Variants in PLA2R1 observed in about 807,000 individuals in gnomAD.
PLA2R1 encodes phospholipase A2 receptor 1.
A neutral mutation model predicts 195.9 loss-of-function variants in PLA2R1; 158 were observed. That is an observed-to-expected ratio of 0.81 (90% CI 0.71 to 0.92). PLA2R1 has a LOEUF of 0.92. Among genes scored for constraint, PLA2R1 ranks in the 40% least tolerant of loss-of-function variants. The pLI is 0.00. For missense variants in PLA2R1, 1,626 were observed against 1,764.6 expected (o/e 0.92, Z 1.41); for synonymous variants, 586 against 598.2 (o/e 0.98, Z 0.30).
chr2:160,029,212 G>T (rs1414469457), intron 4 of PLA2R1, among the ~76,000 whole-genome samples: 1 of 152,198 alleles, frequency 6.6e-6, no homozygotes, highest in African/African-American at 2.4e-5. Flanking sequence ...GCCTTTCAGG[G>T]TTGTCAATCT....
intron 11 of PLA2R1, among the ~76,000 whole-genome samples, chr2:159,990,965 A>G (rs1690740224): frequency 6.6e-6 from 1 of 152,018 alleles, no homozygotes; most frequent in South Asian, 2.1e-4. Context: ...TTAGTGCCTG[A>G]TTGTGCAGAT....
chr2:159,962,256 T>C (rs930401156), intron 20 of PLA2R1, among the ~76,000 whole-genome samples: 1 of 152,126 alleles, frequency 6.6e-6, no homozygotes, highest in Non-Finnish European at 1.5e-5. Flanking sequence ...AAAGAAGACA[T>C]TATGCAGTCA....
chr2:159,941,884 C>T lies in PLA2R1; in HGVS notation c.4286G>A (p.Arg1429Lys). The T allele has an allele frequency of 6.2e-7, 1 of 1,613,664 alleles. No individual in the cohort carries two copies. The highest frequency in any genetic ancestry group is 8.5e-7 in the Non-Finnish European group (1 of 1,179,620). Residue 1429 changes from arginine (R) to lysine (K), a missense_variant, in exon 30 of 30, where the codon AGG (arginine) becomes AAG (lysine). By Grantham distance (26) the Arg-to-Lys change is conservative. Coordinates refer to ENST00000283243, the MANE Select transcript of PLA2R1 (RefSeq NM_007366.5). ...CIYKHNGGFF[R>K]RLAGFRNPYY... Reference sequence around the variant, plus strand: ...AGGATTCCGAAACCCTGCAAGTCTCCTGAAGAAGCCACCGTTATGCTTGTA... The same window carrying T: ...AGGATTCCGAAACCCTGCAAGTCTCTTGAAGAAGCCACCGTTATGCTTGTA...
At chr2:159,930,497 A>T (rs1444424247), downstream of PLA2R1, among the ~76,000 whole-genome samples, 2 of 152,006 alleles carry the variant, frequency 1.3e-5, no homozygotes, top group Non-Finnish European at 2.9e-5. Context: ...CCACTAAAAA[A>T]CTTACTCATG....
Position 159,932,974 on chromosome 2 carries a change from T to C in PLA2R1, c.*8804A>G, listed in dbSNP as rs572943415. 9.4e-5 allele frequency: 14 copies of C among 148,626 alleles called. No individual in the cohort carries two copies. Among genetic ancestry groups the C allele is most frequent in the African/African-American group, 2.9e-4 (12 of 41,024 alleles). 9.2% of individuals were successfully genotyped at this position (148,626 alleles called of 1,614,324 possible). ...CATTAATAGAAGCACAGGAAACAAG[T>C]TGAAAATAGCATAGATCATGATGTC... On this transcript the variant is annotated 3_prime_UTR_variant, in exon 30 of 30. Coordinates refer to ENST00000283243, the MANE Select transcript of PLA2R1 (RefSeq NM_007366.5).
intron 21 of PLA2R1, 42 bp downstream of exon 21, chr2:159,956,467 TA>T: frequency 1.0e-6 from 1 of 988,816 alleles, no homozygotes; most frequent in Non-Finnish European, 1.6e-6. Context: ...AATACTTGAA[TA>T]AAAATGGTTA....
At position 159,955,807 on chromosome 2, in the gene PLA2R1, A is replaced by G; in HGVS notation, c.3044T>C (p.Phe1015Ser). The G allele has an allele frequency of 6.3e-7, 1 of 1,599,172 alleles. No individual in the cohort carries two copies. The highest frequency in any genetic ancestry group is 1.3e-5 in the African/African-American group (1 of 74,548). The change falls in exon 22 of 30, where the codon TTT becomes TCT. Residue 1015 changes from phenylalanine (F) to serine (S), a missense_variant. Physicochemically the swap from Phe to Ser is radical, Grantham distance 155. Transcript: ENST00000283243. ...VEQAFITMNL[F>S]GQTTSVWIGL... Reference sequence around the variant, plus strand: ...TATCCACACACTGGTGGTCTGGCCAAAAAGATTCATAGTAATGAAAGCTGA... The same window carrying G: ...TATCCACACACTGGTGGTCTGGCCAGAAAGATTCATAGTAATGAAAGCTGA...
chr2:159,941,953 G>A lies in PLA2R1; in HGVS notation c.4217C>T (p.Thr1406Ile). Residue 1406 changes from threonine to isoleucine, a missense_variant, in exon 30 of 30, where the codon ACA becomes ATA. Thr to Ile is a moderately conservative substitution (Grantham distance 89). Transcript: ENST00000283243. ...HSIIPLAVVL[T>I]LIVIVAICTL... ...GCAAATGGCCACAATGACTATCAGT[G>A]TCAGTACAACCGCAAGAGGAATGAT... The A allele has an allele frequency of 6.2e-7, 1 of 1,613,902 alleles. No individual in the cohort carries two copies. The highest frequency in any genetic ancestry group is 8.5e-7 in the Non-Finnish European group (1 of 1,179,830).
At chr2:160,018,462 T>G (rs1558938480) in intron 8 of PLA2R1, among the ~76,000 whole-genome samples, 1 of 152,222 alleles carries the variant, frequency 6.6e-6, no homozygotes, top group Non-Finnish European at 1.5e-5. Context: ...TGAAACCCCA[T>G]GTCTACTAAA....
chr2:159,989,169 T>C (rs2105328914), intron 11 of PLA2R1, among the ~76,000 whole-genome samples: 1 of 152,290 alleles, frequency 6.6e-6, no homozygotes, highest in South Asian at 2.1e-4. Context: ...AACAGCTAGC[T>C]GGTGTTAAAG....
At chr2:159,959,951 G>T (rs1688329918) in intron 20 of PLA2R1, among the ~76,000 whole-genome samples, 1 of 151,986 alleles carries the variant, frequency 6.6e-6, no homozygotes, top group East Asian at 1.9e-4. Flanking sequence ...TCTCACCCTT[G>T]CCCTTCTTCC....
chr2:159,955,989 T>C (rs1574662871), intron 21 of PLA2R1, among the ~76,000 whole-genome samples, 161 bp from the exon 22 acceptor site: 1 of 152,344 alleles, frequency 6.6e-6, no homozygotes. Flanking sequence ...GTAATGCAGT[T>C]TCTTTCACTT....
chr2:160,030,245 G>A (rs1693774029), intron 4 of PLA2R1, among the ~76,000 whole-genome samples: 1 of 152,222 alleles, frequency 6.6e-6, no homozygotes, highest in African/African-American at 2.4e-5. Flanking sequence ...GAGACTCCCA[G>A]AAATCAATAA....
chr2:160,055,642 A>G (rs1695487744), intron 1 of PLA2R1, among the ~76,000 whole-genome samples: 1 of 152,206 alleles, frequency 6.6e-6, no homozygotes, highest in African/African-American at 2.4e-5. Flanking sequence ...GATCCTTTGC[A>G]TTAGTGCAGA....
chr2:160,061,619 C>A (rs1695955747), intron 1 of PLA2R1, among the ~76,000 whole-genome samples: 2 of 152,008 alleles, frequency 1.3e-5, no homozygotes, highest in Admixed American at 1.3e-4. Context: ...ACCAAAAATA[C>A]AAAAATTTTG....
intron 18 of PLA2R1, 96 bp downstream of exon 18, chr2:159,970,052 G>C: frequency 2.7e-6 from 2 of 753,636 alleles, no homozygotes; most frequent in Non-Finnish European, 2.3e-6. Flanking sequence ...AATGTTTGAA[G>C]GGTATTCAAC....
chr2:160,061,196 G>A (rs1455640657), intron 1 of PLA2R1, among the ~76,000 whole-genome samples: 1 of 152,110 alleles, frequency 6.6e-6, no homozygotes, highest in Non-Finnish European at 1.5e-5. Flanking sequence ...GGCTCCTCCT[G>A]GCATATTTAA....
At chr2:159,992,810 G>T (rs1690918748) in intron 11 of PLA2R1, among the ~76,000 whole-genome samples, 1 of 152,076 alleles carries the variant, frequency 6.6e-6, no homozygotes, top group African/African-American at 2.4e-5. Context: ...TACTCTACTG[G>T]GATCTTATTT....
downstream of PLA2R1, among the ~76,000 whole-genome samples, chr2:159,929,724 C>T (rs192857917): frequency 4.2e-4 from 64 of 152,156 alleles, no homozygotes; most frequent in African/African-American, 1.4e-3. Context: ...CAGCACAATT[C>T]GCAATTGCAA....
Sources: gnomAD v4.1 joint callset for allele counts (sites outside exome capture counted in the v4.1 genomes callset) on GRCh38, gnomAD v4.1.1 for gene constraint, MANE v1.5 for transcripts, NCBI Gene and HGNC (gene_info 2026-07-23, HGNC 2026-07-21) for gene names.